The following IRAK2 variants were observed in gnomAD, a reference collection of about 807,000 sequenced individuals.
The protein encoded by IRAK2 is interleukin-1 receptor-associated kinase-like 2.
IRAK2 carries 57 observed loss-of-function variants against 72.0 expected under a neutral mutation model. That is an observed-to-expected ratio of 0.79 (90% CI 0.64 to 0.99). The LOEUF is 0.99. IRAK2 is among the 50% of genes least tolerant of loss of function. The pLI, the probability that IRAK2 is intolerant of heterozygous loss-of-function variation, is 0.00. For synonymous variants in IRAK2, 293 were observed against 312.7 expected, an observed-to-expected ratio of 0.94 and a Z score of 0.67; for missense variants, 790 against 794.4, an observed-to-expected ratio of 0.99 and a Z score of 0.07.
intron 2 of IRAK2, among the ~76,000 whole-genome samples, chr3:10,179,654 A>C (rs551622806): frequency 9.4e-4 from 143 of 152,016 alleles, no homozygotes; most frequent in Non-Finnish European, 1.5e-3. Context: ...AGCTGGTCTC[A>C]AACTCCTGAC....
Position 10,213,058 on chromosome 3 carries a change from G to A in IRAK2, c.529-149G>A, listed in dbSNP as rs11465894. 6.0e-3 allele frequency: 4,110 copies of A among 679,716 alleles called. 119 individuals are homozygous for A. The African/African-American group carries it at 0.065, about 11-fold the overall frequency. 42.1% of individuals were successfully genotyped at this position (679,716 alleles called of 1,614,324 possible). A position where few individuals can be genotyped will look rare whatever the true frequency, so the allele number is the denominator to read the frequency against. ...GCTGGGATTACAGGCGTGAGCCACC[G>A]TGCCCGGCCTATCCATGTCCTTTTT... On this transcript the variant is annotated intron_variant, in intron 4 of 12. Transcript: ENST00000256458.
chr3:10,217,398 G>A (rs1479947493), intron 7 of IRAK2, among the ~76,000 whole-genome samples: 1 of 152,170 alleles, frequency 6.6e-6, no homozygotes, highest in Admixed American at 6.5e-5. Flanking sequence ...TCAAGAGCAG[G>A]ACAAAGGTAT....
intron 1 of IRAK2, among the ~76,000 whole-genome samples, chr3:10,167,362 T>A (rs1284382166): frequency 6.6e-6 from 1 of 152,236 alleles, no homozygotes; most frequent in African/African-American, 2.4e-5. Flanking sequence ...TGTGACTGAC[T>A]TGTTTCAACT....
chr3:10,203,864 C>T (rs1025263870), intron 3 of IRAK2, among the ~76,000 whole-genome samples: 1 of 152,102 alleles, frequency 6.6e-6, no homozygotes, highest in African/African-American at 2.4e-5. Context: ...ATCTCTTGAC[C>T]ACCTGCCTCG....
chr3:10,193,642 C>A (rs1272284862), intron 2 of IRAK2, among the ~76,000 whole-genome samples: 1 of 152,142 alleles, frequency 6.6e-6, no homozygotes, highest in Non-Finnish European at 1.5e-5. Context: ...AACAAAAAAT[C>A]CAGACTCTGT....
At chr3:10,213,010 C>T (rs533498926) in intron 4 of IRAK2, among the ~76,000 whole-genome samples, 197 bp from the exon 5 acceptor site, 7 of 152,052 alleles carry the variant, frequency 4.6e-5, no homozygotes, top group South Asian at 4.2e-4. Flanking sequence ...CCTCGTGATC[C>T]GCCCGCCTCG....
chr3:10,238,726 C>G, intron 11 of IRAK2, 22 bp from the exon 12 acceptor site: 1 of 1,607,844 alleles, frequency 6.2e-7, no homozygotes, highest in Non-Finnish European at 8.5e-7. Context: ...TGATGAGCTC[C>G]CTTCTCTCTC....
intron 2 of IRAK2, among the ~76,000 whole-genome samples, chr3:10,199,112 C>A (rs1415493556): frequency 6.6e-6 from 1 of 151,944 alleles, no homozygotes; most frequent in African/African-American, 2.4e-5. Flanking sequence ...TAAGAAGTAG[C>A]CTGGCAAGGG....
chr3:10,172,033 C>T (rs1270759594), intron 1 of IRAK2, among the ~76,000 whole-genome samples: 6 of 151,878 alleles, frequency 4.0e-5, no homozygotes, highest in East Asian at 3.9e-4. Flanking sequence ...GTCAGGAGTT[C>T]GAAACCAGCC....
chr3:10,241,600 G>C (rs1443583788), intron 12 of IRAK2, among the ~76,000 whole-genome samples: 1 of 89,694 alleles, frequency 1.1e-5, no homozygotes, highest in African/African-American at 4.6e-5. Flanking sequence ...AATGGGCTGG[G>C]TGCTGTGGCT....
chr3:10,218,439 A>C (rs56190454), intron 7 of IRAK2, among the ~76,000 whole-genome samples: 45,187 of 132,706 alleles, frequency 0.34, 8,456 homozygotes, highest in Non-Finnish European at 0.41. Flanking sequence ...AAAAAAAAAA[A>C]AAAAAACCAA....
At chr3:10,165,793 C>G (rs1327440650) in intron 1 of IRAK2, among the ~76,000 whole-genome samples, 2 of 142,074 alleles carry the variant, frequency 1.4e-5, no homozygotes, top group Admixed American at 1.5e-4. Flanking sequence ...TGCAGTGGCG[C>G]GATCTAGGCT....
chr3:10,215,416 T>TAAAAAAAAAAA (rs1559449326), intron 6 of IRAK2, among the ~76,000 whole-genome samples: 1 of 134,120 alleles, frequency 7.5e-6, no homozygotes, highest in Non-Finnish European at 1.6e-5. Context: ...AAAAAAAAAT[T>TAAAAAAAAAAA]AATTAATTAA....
At chr3:10,197,393 AAAAAAG>A (rs1314502362) in intron 2 of IRAK2, among the ~76,000 whole-genome samples, 5 of 151,728 alleles carry the variant, frequency 3.3e-5, no homozygotes, top group African/African-American at 7.3e-5. Context: ...TCAAAAAAAA[AAAAAAG>A]AAAAAGAAAA....
intron 3 of IRAK2, among the ~76,000 whole-genome samples, chr3:10,204,547 G>A (rs1301866836): frequency 6.6e-6 from 1 of 152,066 alleles, no homozygotes; most frequent in Non-Finnish European, 1.5e-5. Context: ...TCAGGAGTTC[G>A]AGACCAGCCT....
Position 10,242,315 on chromosome 3 carries a change from C to G in IRAK2, c.*87C>G, listed in dbSNP as rs1698073812. 7 of 717,026 alleles carry G rather than the reference C, an allele frequency of 9.8e-6. No individual in the cohort carries two copies. Among genetic ancestry groups the G allele is most frequent in the Non-Finnish European group, 1.6e-5 (7 of 426,764 alleles). The allele number at this position is 717,026 out of a possible 1,614,324, so 44.4% of individuals were successfully genotyped here. ...AAAGGTCTGAGGCAGAATCCAAGAT[C>G]TGCCAGGAAACACACAACAAAACAT... is the stretch of plus-strand genomic sequence containing the variant. On this transcript the variant is annotated 3_prime_UTR_variant, in exon 13 of 13. Transcript: ENST00000256458.
At chr3:10,201,867 GT>G (rs1316554896) in intron 3 of IRAK2, among the ~76,000 whole-genome samples, 1 of 152,214 alleles carries the variant, frequency 6.6e-6, no homozygotes, top group Non-Finnish European at 1.5e-5. Context: ...AAAGGAACAT[GT>G]TTTGTGGGCT....
intron 3 of IRAK2, among the ~76,000 whole-genome samples, chr3:10,206,818 A>T (rs1226237778): frequency 1.3e-5 from 2 of 151,658 alleles, no homozygotes; most frequent in Non-Finnish European, 2.9e-5. Context: ...AGCCTCCCAA[A>T]GCGCTGGGAT....
chr3:10,225,360 A>G (rs1697756682), intron 9 of IRAK2, among the ~76,000 whole-genome samples: 1 of 152,194 alleles, frequency 6.6e-6, no homozygotes, highest in Non-Finnish European at 1.5e-5. Flanking sequence ...ACCTGAGCAT[A>G]TAAGGAACAG....
Sources: gnomAD v4.1 joint callset for allele counts (sites outside exome capture counted in the v4.1 genomes callset) on GRCh38, gnomAD v4.1.1 for gene constraint, MANE v1.5 for transcripts, NCBI Gene and HGNC (gene_info 2026-07-23, HGNC 2026-07-21) for gene names.